The following PLEKHA7 variants were observed in gnomAD, a reference collection of about 807,000 sequenced individuals.
PLEKHA7 encodes the protein pleckstrin homology domain-containing family A member 7.
In PLEKHA7, 104 loss-of-function variants were observed where a neutral mutation model predicts 170.0. The observed-to-expected ratio is 0.61, with a 90% confidence interval of 0.52 to 0.72. The LOEUF (loss-of-function observed/expected upper bound fraction) is 0.72, where lower values mean the gene tolerates loss of function less well. PLEKHA7 is among the 30% of genes least tolerant of loss of function. PLEKHA7 has a pLI of 0.00. For synonymous variants in PLEKHA7, 648 were observed against 660.8 expected (o/e 0.98, Z 0.30); for missense variants, 1,615 against 1,671.7 (o/e 0.97, Z 0.59).
chr11:16,868,357 C>T (rs895850220), intron 4 of PLEKHA7, among the ~76,000 whole-genome samples: 29 of 152,316 alleles, frequency 1.9e-4, no homozygotes, highest in African/African-American at 6.5e-4. Flanking sequence ...CTTCTCCATG[C>T]CTCTAATCTG....
intron 10 of PLEKHA7, among the ~76,000 whole-genome samples, chr11:16,822,741 G>A (rs910826672): frequency 1.3e-5 from 2 of 152,142 alleles, no homozygotes; most frequent in African/African-American, 4.8e-5. Context: ...TGCTCTCTCA[G>A]TTGAGGATTC....
At chr11:16,926,077 G>A (rs892735689) in intron 3 of PLEKHA7, among the ~76,000 whole-genome samples, 2 of 152,240 alleles carry the variant, frequency 1.3e-5, no homozygotes, top group Non-Finnish European at 1.5e-5. Flanking sequence ...TCCCCTCCAA[G>A]AGTCCTGACC....
At chr11:16,986,650 G>GT (rs1428672718) in intron 3 of PLEKHA7, among the ~76,000 whole-genome samples, 1 of 152,196 alleles carries the variant, frequency 6.6e-6, no homozygotes, top group Non-Finnish European at 1.5e-5. Flanking sequence ...TGGCCCAGGA[G>GT]TAGAGAAACC....
intron 8 of PLEKHA7, chr11:16,842,148 G>C (rs1564996595): frequency 5.9e-6 from 1 of 169,634 alleles, no homozygotes; most frequent in Admixed American, 6.0e-5. Flanking sequence ...TGCAACAGCA[G>C]GTGGCTTGAT....
At chr11:16,943,448 A>C (rs1860822268) in intron 3 of PLEKHA7, among the ~76,000 whole-genome samples, 1 of 152,134 alleles carries the variant, frequency 6.6e-6, no homozygotes, top group African/African-American at 2.4e-5. Context: ...CCCTCCCCCG[A>C]TACAGGAAAG....
chr11:16,875,690 C>T (rs930765413), intron 3 of PLEKHA7, among the ~76,000 whole-genome samples: 1 of 152,016 alleles, frequency 6.6e-6, no homozygotes, highest in Non-Finnish European at 1.5e-5. Flanking sequence ...AGCAATCTAC[C>T]CCCTTGGGCC....
At chr11:16,838,180 G>A (rs1476700589) in intron 9 of PLEKHA7, among the ~76,000 whole-genome samples, 1 of 152,134 alleles carries the variant, frequency 6.6e-6, no homozygotes, top group African/African-American at 2.4e-5. Flanking sequence ...ATGGGCAGAG[G>A]ATAGATACAG....
chr11:16,789,263 C>G lies in PLEKHA7; in HGVS notation c.3190G>C (p.Gly1064Arg), dbSNP rs1258840390. The G allele has an allele frequency of 1.9e-6, 3 of 1,613,580 alleles. No individual in the cohort carries two copies. Among genetic ancestry groups the G allele is most frequent in the Non-Finnish European group, 2.5e-6 (3 of 1,180,048 alleles). ...CTCATCTTGCCTCGCTGGTGATCCC[C>G]TGAGTACAGGCGCTCCAAGGCACTC... ...PKSALERLYS[G>R]DHQRGKMSAE... The change falls in exon 23 of 27, where the codon GGG (glycine) becomes CGG (arginine). Residue 1064 changes from glycine (G) to arginine (R), a missense_variant. Physicochemically the swap from Gly to Arg is moderately radical, Grantham distance 125. Coordinates refer to ENST00000531066, the MANE Select transcript of PLEKHA7 (RefSeq NM_001329630.2). This position sits in a 1 kb window ranked among gnomAD's most constrained non-coding sequence, Gnocchi z 4.6.
At chr11:16,927,085 G>C (rs1485842505) in intron 3 of PLEKHA7, among the ~76,000 whole-genome samples, 1 of 152,102 alleles carries the variant, frequency 6.6e-6, no homozygotes, top group East Asian at 1.9e-4. Context: ...AGGCGGGGGT[G>C]GGGGCAGGGA....
intron 3 of PLEKHA7, among the ~76,000 whole-genome samples, chr11:16,987,562 C>A (rs900358964): frequency 7.2e-5 from 11 of 152,172 alleles, no homozygotes; most frequent in Admixed American, 2.0e-4. Context: ...AGGAAACCCA[C>A]TTCCCATCTC....
chr11:16,973,641 G>C (rs939289110), intron 3 of PLEKHA7, among the ~76,000 whole-genome samples: 1 of 152,160 alleles, frequency 6.6e-6, no homozygotes, highest in African/African-American at 2.4e-5. Context: ...TCAATTGCAG[G>C]TGAGGCCTGG....
chr11:16,907,042 T>C (rs7938050), intron 3 of PLEKHA7, among the ~76,000 whole-genome samples: 111,841 of 137,252 alleles, frequency 0.81, 45,056 homozygotes, highest in South Asian at 0.84. Flanking sequence ...GGAGCCCCTC[T>C]GCCCGGCAGC....
chr11:16,883,241 C>T (rs1301783696), intron 3 of PLEKHA7, among the ~76,000 whole-genome samples: 2 of 152,132 alleles, frequency 1.3e-5, no homozygotes, highest in Admixed American at 1.3e-4. Flanking sequence ...GCTTCGAAGA[C>T]TCACACTCTT....
intron 24 of PLEKHA7, among the ~76,000 whole-genome samples, chr11:16,785,959 C>T (rs188082277): frequency 3.4e-4 from 52 of 152,346 alleles, no homozygotes; most frequent in African/African-American, 1.2e-3. Context: ...TTACTTAATC[C>T]TCTTCACAAC....
rs111638497 is a variant in PLEKHA7 at position 16,790,579 on chromosome 11, T to C, written c.3052+219A>G. The C allele has an allele frequency of 6.0e-5, 34 of 563,848 alleles. 1 individual carries two copies. Among genetic ancestry groups the C allele is most frequent in the African/African-American group, 5.1e-4 (27 of 53,444 alleles). The allele number at this position is 563,848 out of a possible 1,614,324, so 34.9% of individuals were successfully genotyped here. A position where few individuals can be genotyped will look rare whatever the true frequency, so the allele number is the denominator to read the frequency against. The stretch of plus-strand genomic sequence containing the variant: ...GGCTTTCTAGTAACTGCTATTATCA[T>C]TGTTCCTGGGGACAGATGTAACAAA... On this transcript the variant is annotated intron_variant, in intron 21 of 26. Transcript: ENST00000531066.
chr11:16,871,729 A>T (rs1590408288), intron 3 of PLEKHA7, among the ~76,000 whole-genome samples: 2 of 152,290 alleles, frequency 1.3e-5, no homozygotes, highest in South Asian at 4.1e-4. Flanking sequence ...GCACAATTTC[A>T]GCACGGTGGA....
At chr11:16,962,397 C>T (rs895051187) in intron 3 of PLEKHA7, among the ~76,000 whole-genome samples, 2 of 152,194 alleles carry the variant, frequency 1.3e-5, no homozygotes. Context: ...CTCCACTGTG[C>T]AACACTCACG....
At chr11:16,968,845 T>A (rs544296277) in intron 3 of PLEKHA7, among the ~76,000 whole-genome samples, 14 of 152,118 alleles carry the variant, frequency 9.2e-5, no homozygotes, top group African/African-American at 1.5e-4. Context: ...AGGAACACGC[T>A]AGTACCTGAC....
At chr11:16,945,161 C>G (rs1388117103) in intron 3 of PLEKHA7, among the ~76,000 whole-genome samples, 1 of 152,118 alleles carries the variant, frequency 6.6e-6, no homozygotes, top group African/African-American at 2.4e-5. Context: ...GCCTCAAACT[C>G]CTGACCTTAA....
Sources: allele counts gnomAD v4.1 joint callset (sites outside exome capture counted in the v4.1 genomes callset), GRCh38; gene constraint gnomAD v4.1.1; non-coding constraint Gnocchi (gnomAD v3.1); transcripts MANE v1.5; gene names NCBI Gene and HGNC (gene_info 2026-07-23, HGNC 2026-07-21).